The following CHIA variants were observed in gnomAD, a reference collection of about 807,000 sequenced individuals.
CHIA encodes chitinase acidic.
In CHIA, 47 loss-of-function variants were observed where a neutral mutation model predicts 53.5. That is an observed-to-expected ratio of 0.88 (90% CI 0.70 to 1.12). The LOEUF is 1.12. CHIA is among the 50% of genes most tolerant of loss of function. The pLI, the probability that CHIA is intolerant of heterozygous loss-of-function variation, is 0.00. For missense variants in CHIA, 652 were observed against 592.2 expected (o/e 1.10, Z -1.05); for synonymous variants, 268 against 222.2 (o/e 1.21, Z -1.83).
chr1:111,308,688 C>T (rs1405197149), intron 1 of CHIA, among the ~76,000 whole-genome samples: 2 of 152,002 alleles, frequency 1.3e-5, no homozygotes, highest in Non-Finnish European at 2.9e-5. Context: ...ATGCTTTTTC[C>T]CCAGGATTTA....
rs542694997 is a variant in CHIA, at chr1:111,319,458, G to T, written c.1167G>T (p.Leu389=). Residue 389 remains leucine, a synonymous_variant, in exon 11 of 12, where the codon CTG becomes CTT. Transcript: ENST00000369740. ...LISTLKKALG[L]QSASCTAPAQ... is the part of the protein sequence containing the mutation. Reference sequence around the variant, plus strand: ...CCACCCTGAAGAAGGCCCTCGGCCTGCAGAGTGCAAGTAAGTGACTGAGGG... The same window carrying T: ...CCACCCTGAAGAAGGCCCTCGGCCTTCAGAGTGCAAGTAAGTGACTGAGGG... 2.5e-6 allele frequency: 4 copies of T among 1,613,708 alleles called. No individual in the cohort carries two copies. The highest frequency in any genetic ancestry group is 2.7e-5 in the African/African-American group (2 of 74,924).
chr1:111,313,418 T>C (rs1441200583), intron 4 of CHIA, among the ~76,000 whole-genome samples: 1 of 152,220 alleles, frequency 6.6e-6, no homozygotes, highest in Non-Finnish European at 1.5e-5. Flanking sequence ...GAGCATTTTT[T>C]ATACACTTGT....
rs182022651 is a variant in CHIA at position 111,312,303 on chromosome 1, G to A, written c.169G>A (p.Ala57Thr). ...CTGCCTCTGTACCCACCTGATCTAC[G>A]CCTTTGCTGGGAGGCAGAACAACGA... ...DPCLCTHLIY[A>T]FAGRQNNEIT... The change falls in exon 4 of 12, where the codon GCC (alanine) becomes ACC (threonine). Residue 57 changes from alanine (A) to threonine (T), a missense_variant. By Grantham distance (58) the Ala-to-Thr change is moderately conservative (BLOSUM62 0). Coordinates refer to ENST00000369740, the MANE Select transcript of CHIA (RefSeq NM_201653.4). 5.4e-4 allele frequency: 872 copies of A among 1,613,846 alleles called. 3 individuals are homozygous for A. The Admixed American group carries it at 5.6e-3, about 10-fold the overall frequency.
Position 111,312,294 on chromosome 1 carries a change from C to A in CHIA, c.160C>A (p.Leu54Met), listed in dbSNP as rs1382701487. ...CATCGACCCCTGCCTCTGTACCCACCTGATCTACGCCTTTGCTGGGAGGCA... is the reference window on the plus strand; with the variant it reads ...CATCGACCCCTGCCTCTGTACCCACATGATCTACGCCTTTGCTGGGAGGCA... Reference protein sequence around the residue: ...DNIDPCLCTHLIYAFAGRQNN... With the variant: ...DNIDPCLCTHMIYAFAGRQNN... The change falls in exon 4 of 12, where the codon CTG becomes ATG. Residue 54 changes from leucine to methionine, a missense_variant. Physicochemically the swap from Leu to Met is conservative, Grantham distance 15 (BLOSUM62 2). Coordinates refer to ENST00000369740, the MANE Select transcript of CHIA (RefSeq NM_201653.4). 4 of 1,614,044 alleles carry A rather than the reference C, an allele frequency of 2.5e-6. No individual in the cohort carries two copies. In the South Asian group the frequency reaches 4.4e-5, roughly 18 times the overall value.
intron 5 of CHIA, chr1:111,315,061 G>A (rs1027450411): frequency 9.7e-6 from 5 of 517,646 alleles, no homozygotes; most frequent in Non-Finnish European, 1.7e-5. Flanking sequence ...AGCAGAGTTG[G>A]GGGGATAACA....
chr1:111,298,563 C>T (rs1049752205), intron 1 of CHIA, among the ~76,000 whole-genome samples: 8 of 152,076 alleles, frequency 5.3e-5, no homozygotes, highest in East Asian at 1.9e-4. Flanking sequence ...AGAGACACAA[C>T]GTGCCAGAAT....
At chr1:111,311,619 A>G (rs372446867) in intron 2 of CHIA, 70 bp from the exon 3 acceptor site, 19 of 1,553,866 alleles carry the variant, frequency 1.2e-5, no homozygotes, top group Middle Eastern at 1.7e-4. Context: ...AAGGCAATCA[A>G]TCCTTCAGAA....
intron 1 of CHIA, among the ~76,000 whole-genome samples, chr1:111,301,563 G>T (rs1373221124): frequency 3.3e-5 from 5 of 151,880 alleles, no homozygotes; most frequent in Non-Finnish European, 7.4e-5. Flanking sequence ...TTAGCCAGGC[G>T]TGGTGGCAGG....
At chr1:111,319,529 A>T (rs1649480161) in intron 11 of CHIA, 61 bp downstream of exon 11, 3 of 1,521,440 alleles carry the variant, frequency 2.0e-6, no homozygotes, top group Non-Finnish European at 2.7e-6. Flanking sequence ...TCAAAAAGCA[A>T]CCCTGATGTC....
chr1:111,305,946 G>A (rs969991244), intron 1 of CHIA, among the ~76,000 whole-genome samples: 1 of 152,142 alleles, frequency 6.6e-6, no homozygotes, highest in African/African-American at 2.4e-5. Context: ...ATAGAAACAA[G>A]TAATAAATAG....
chr1:111,300,970 A>G (rs1337985882), intron 1 of CHIA, among the ~76,000 whole-genome samples: 2 of 152,240 alleles, frequency 1.3e-5, no homozygotes, highest in East Asian at 1.9e-4. Context: ...GCCAACAGAC[A>G]TGTGAAAAAA....
At chr1:111,291,504 C>A (rs1036169829) in intron 1 of CHIA, among the ~76,000 whole-genome samples, 3 of 150,562 alleles carry the variant, frequency 2.0e-5, no homozygotes, top group Admixed American at 6.6e-5. Flanking sequence ...AACACTGGAG[C>A]CAGCTGAGGG....
At position 111,318,517 on chromosome 1, in the gene CHIA, G is replaced by C; in HGVS notation, c.754G>C (p.Asp252His). The change falls in exon 9 of 12, where the codon GAC becomes CAC. Residue 252 changes from aspartate to histidine, a missense_variant. Coordinates refer to ENST00000369740, the MANE Select transcript of CHIA (RefSeq NM_201653.4). ...NVDYVMNYWK[D>H]NGAPAEKLIV... is the part of the protein sequence containing the mutation. ...GGATTATGTCATGAACTACTGGAAGGACAATGGAGCACCAGCTGAGAAGCT... is the reference window on the plus strand; with the variant it reads ...GGATTATGTCATGAACTACTGGAAGCACAATGGAGCACCAGCTGAGAAGCT... 3 of 1,614,070 alleles carry C rather than the reference G, an allele frequency of 1.9e-6. No individual in the cohort carries two copies. Among genetic ancestry groups the C allele is most frequent in the Non-Finnish European group, 2.5e-6 (3 of 1,179,946 alleles).
rs765854980 is a variant in CHIA at position 111,320,363 on chromosome 1, A to C, written c.1328A>C (p.Asn443Thr). The C allele has an allele frequency of 4.2e-5, 68 of 1,614,112 alleles. No homozygotes were observed. The highest frequency in any genetic ancestry group is 3.1e-4 in the East Asian group (14 of 44,896). ...RANGLYPVAN[N>T]RNAFWHCVNG... ...AACGGCCTCTACCCCGTGGCAAATAACAGAAATGCCTTCTGGCACTGCGTG... is the reference window on the plus strand; with the variant it reads ...AACGGCCTCTACCCCGTGGCAAATACCAGAAATGCCTTCTGGCACTGCGTG... Residue 443 changes from asparagine to threonine, a missense_variant, in exon 12 of 12, where the codon AAC (asparagine) becomes ACC (threonine). Coordinates refer to ENST00000369740, the MANE Select transcript of CHIA (RefSeq NM_201653.4).
rs181739385 is a variant in CHIA, at chr1:111,305,612, C to T, written c.-68-4788C>T. 3.1e-3 allele frequency among the ~76,000 whole-genome samples: 472 copies of T among 152,324 alleles called. 4 individuals carry two copies. Among genetic ancestry groups the T allele is most frequent in the African/African-American group, 0.011 (453 of 41,580 alleles). On this transcript the variant is annotated intron_variant, in intron 1 of 11. Transcript: ENST00000369740. Reference sequence around the variant, plus strand: ...AATTAACTTCAATTTACCTACGAAGCTTTCTTCTGAAGTTGCAAGCCTTTA... The same window carrying T: ...AATTAACTTCAATTTACCTACGAAGTTTTCTTCTGAAGTTGCAAGCCTTTA...
chr1:111,312,443 A>G, intron 4 of CHIA, 52 bp downstream of exon 4: 2 of 1,350,108 alleles, frequency 1.5e-6, no homozygotes, highest in South Asian at 2.3e-5. Flanking sequence ...GTACTTCCCA[A>G]ACATTAATGC....
intron 7 of CHIA, 30 bp from the exon 8 acceptor site, chr1:111,317,956 A>T: frequency 6.2e-7 from 1 of 1,613,816 alleles, no homozygotes; most frequent in Non-Finnish European, 8.5e-7. Context: ...TGACCATCAG[A>T]ATGATTTTAA....
At chr1:111,305,981 T>C (rs367993263) in intron 1 of CHIA, among the ~76,000 whole-genome samples, 1 of 152,294 alleles carries the variant, frequency 6.6e-6, no homozygotes, top group African/African-American at 2.4e-5. Flanking sequence ...AATGGTACCA[T>C]CTATAACAGA....
chr1:111,319,233 T>C lies in CHIA; in HGVS notation c.1029T>C (p.Asp343=). 1.2e-6 allele frequency: 2 copies of C among 1,614,202 alleles called. No individual in the cohort carries two copies. The highest frequency in any genetic ancestry group is 8.5e-7 in the Non-Finnish European group (1 of 1,180,020). The change falls in exon 10 of 12, where the codon GAT becomes GAC. Residue 343 remains aspartate (D), a synonymous_variant. Coordinates refer to ENST00000369740, the MANE Select transcript of CHIA (RefSeq NM_201653.4). ...GCTATGACAACATCAAGAGCTTCGA[T>C]ATTAAGGTAAGATCAGTCCCTTAAA... ...WVGYDNIKSF[D]IKAQWLKHNK...
Sources: gnomAD v4.1 joint callset for allele counts (sites outside exome capture counted in the v4.1 genomes callset) on GRCh38, gnomAD v4.1.1 for gene constraint, MANE v1.5 for transcripts, NCBI Gene and HGNC (gene_info 2026-07-23, HGNC 2026-07-21) for gene names.